CNTNAP2: variants seen among roughly 807,000 people sequenced by gnomAD.
CNTNAP2 encodes the protein contactin associated protein 2.
Under a neutral mutation model 155.2 loss-of-function variants are expected in CNTNAP2, and 98 were observed. The ratio of observed to expected loss-of-function variants is 0.63; its 90% CI spans 0.54 to 0.75. The LOEUF is 0.75. Among genes scored for constraint, CNTNAP2 ranks in the 30% least tolerant of loss-of-function variants. CNTNAP2 has a pLI of 0.00. For missense variants in CNTNAP2, 1,727 were observed against 1,688.1 expected, an observed-to-expected ratio of 1.02 and a Z score of -0.40; for synonymous variants, 651 against 631.2, an observed-to-expected ratio of 1.03 and a Z score of -0.47.
At chr7:148,027,890 G>A (rs1802401744) in intron 15 of CNTNAP2, among the ~76,000 whole-genome samples, 1 of 152,100 alleles carries the variant, frequency 6.6e-6, no homozygotes, top group Admixed American at 6.6e-5. Flanking sequence ...TCTTGACTTT[G>A]ATGATCGTAA....
intron 1 of CNTNAP2, among the ~76,000 whole-genome samples, chr7:146,415,778 T>C (rs1333718670): frequency 6.6e-6 from 1 of 152,040 alleles, no homozygotes; most frequent in African/African-American, 2.4e-5. Context: ...TTTCGATAAA[T>C]TTAAAAAATT....
At position 147,919,749 on chromosome 7, in the gene CNTNAP2, C is replaced by T. The variant is rs188055813; in HGVS notation, c.2255+16028C>T. On this transcript the variant is annotated intron_variant, in intron 14 of 23. Transcript: ENST00000361727. ...CTGGGATTACAGGCGTGAGCCACCA[C>T]GCCCAGCCTACATTTTCTATTTTTT... Among the ~76,000 whole-genome samples, 871 of 151,686 alleles carry T rather than the reference C, an allele frequency of 5.7e-3. 26 individuals are homozygous for T. In the South Asian group the frequency reaches 0.079, roughly 14 times the overall value.
intron 1 of CNTNAP2, among the ~76,000 whole-genome samples, chr7:146,360,602 C>G (rs1374808258): frequency 6.6e-6 from 1 of 151,988 alleles, no homozygotes; most frequent in Non-Finnish European, 1.5e-5. Flanking sequence ...CTGTATTTGC[C>G]CTAAAGACCT....
In CNTNAP2 at chr7:148,288,044, C is replaced by T. The variant is rs1391156424; in HGVS notation, c.3475+20918C>T. Among the ~76,000 whole-genome samples the T allele has an allele frequency of 1.2e-4, 18 of 151,748 alleles. No homozygotes were observed. In the East Asian group the frequency reaches 3.5e-3, roughly 29 times the overall value. ...TGACTTCGTGATCGGCCCGCCTTGG[C>T]CCCCCAAAGTGCGGGGATTACAGGC... is the stretch of plus-strand genomic sequence containing the variant. On this transcript the variant is annotated intron_variant, in intron 21 of 23. Transcript: ENST00000361727.
intron 15 of CNTNAP2, among the ~76,000 whole-genome samples, chr7:147,993,725 G>A (rs184769308): frequency 6.4e-4 from 98 of 152,218 alleles, no homozygotes; most frequent in Admixed American, 2.7e-3. Context: ...ACAAATTAGC[G>A]AATTATGTTG....
chr7:146,457,821 G>T (rs1240727059), intron 1 of CNTNAP2, among the ~76,000 whole-genome samples: 1 of 151,736 alleles, frequency 6.6e-6, no homozygotes, highest in Admixed American at 6.6e-5. Context: ...GTATTTTTAT[G>T]TTTAATTTGC....
intron 1 of CNTNAP2, among the ~76,000 whole-genome samples, chr7:146,352,898 G>C (rs1421867902): frequency 6.6e-6 from 1 of 151,192 alleles, no homozygotes; most frequent in Non-Finnish European, 1.5e-5. Flanking sequence ...AGGACTACAG[G>C]CACCCGCCAC....
At chr7:147,959,634 C>A (rs940438552) in intron 14 of CNTNAP2, among the ~76,000 whole-genome samples, 12 of 152,212 alleles carry the variant, frequency 7.9e-5, no homozygotes, top group Admixed American at 3.9e-4. Flanking sequence ...GATTAAGGAG[C>A]AGCTTATGCA....
At chr7:146,863,068 G>A (rs896794912) in intron 3 of CNTNAP2, among the ~76,000 whole-genome samples, 1 of 152,072 alleles carries the variant, frequency 6.6e-6, no homozygotes, top group Non-Finnish European at 1.5e-5. Context: ...TCTAATGTGG[G>A]TTTTGAAAAA....
At chr7:147,832,739 A>G (rs1012801455) in intron 13 of CNTNAP2, among the ~76,000 whole-genome samples, 5 of 147,008 alleles carry the variant, frequency 3.4e-5, no homozygotes, top group Admixed American at 6.9e-5. Context: ...TAAATATTTT[A>G]TAATTTAATG....
At chr7:148,219,032 C>A (rs1345157940) in intron 19 of CNTNAP2, among the ~76,000 whole-genome samples, 3 of 150,114 alleles carry the variant, frequency 2.0e-5, no homozygotes, top group Admixed American at 6.6e-5. Flanking sequence ...AACCTCCGCC[C>A]CTCGAGTTCA....
intron 1 of CNTNAP2, among the ~76,000 whole-genome samples, chr7:146,306,802 C>A (rs530186899): frequency 6.6e-6 from 1 of 152,242 alleles, no homozygotes; most frequent in African/African-American, 2.4e-5. Context: ...TAAAAGCTCT[C>A]AATAAACTAG....
At chr7:146,169,465 A>G (rs982955998) in intron 1 of CNTNAP2, among the ~76,000 whole-genome samples, 1 of 152,194 alleles carries the variant, frequency 6.6e-6, no homozygotes, top group African/African-American at 2.4e-5. Flanking sequence ...AAGCTAACAC[A>G]TTGGTTATCT....
chr7:147,469,291 T>C (rs1798171468), intron 10 of CNTNAP2, among the ~76,000 whole-genome samples: 1 of 152,110 alleles, frequency 6.6e-6, no homozygotes, highest in South Asian at 2.1e-4. Context: ...CAAAAGTATC[T>C]TACAAAGGAA....
intron 1 of CNTNAP2, among the ~76,000 whole-genome samples, chr7:146,545,137 A>G (rs1191695671): frequency 6.6e-6 from 1 of 151,834 alleles, no homozygotes; most frequent in Non-Finnish European, 1.5e-5. Flanking sequence ...GGGGATTTGG[A>G]GAAAAATTGA....
At chr7:146,420,870 T>A in intron 1 of CNTNAP2, among the ~76,000 whole-genome samples, 1 of 152,110 alleles carries the variant, frequency 6.6e-6, no homozygotes, top group East Asian at 1.9e-4. Context: ...CTCAGATCTA[T>A]CTTTGGGGAT....
chr7:147,072,633 G>A lies in CNTNAP2; in HGVS notation c.550+28579G>A, dbSNP rs538964307. On this transcript the variant is annotated intron_variant, in intron 4 of 23. Transcript: ENST00000361727. ...TTAGAAGGTAAAATCTACAGAACTT[G>A]GTTGTGGGTTACATGTGGGCTGTGG... 1.2e-3 allele frequency among the ~76,000 whole-genome samples: 176 copies of A among 152,162 alleles called. 1 individual carries two copies. The highest frequency in any genetic ancestry group is 4.0e-3 in the African/African-American group (168 of 41,510).
At chr7:147,975,641 G>A (rs1257794942) in intron 14 of CNTNAP2, among the ~76,000 whole-genome samples, 1 of 152,074 alleles carries the variant, frequency 6.6e-6, no homozygotes, top group Non-Finnish European at 1.5e-5. Flanking sequence ...GTAATGCACA[G>A]TAAATTTAAA....
At chr7:147,443,673 C>T (rs900321388) in intron 10 of CNTNAP2, among the ~76,000 whole-genome samples, 2 of 152,284 alleles carry the variant, frequency 1.3e-5, no homozygotes, top group East Asian at 3.9e-4. Flanking sequence ...AGCATTCCAG[C>T]ATATGGCAAC....
Sources: gnomAD v4.1 joint callset for allele counts (sites outside exome capture counted in the v4.1 genomes callset) on GRCh38, gnomAD v4.1.1 for gene constraint, MANE v1.5 for transcripts, NCBI Gene and HGNC (gene_info 2026-07-23, HGNC 2026-07-21) for gene names.